Variants in UBR3 observed in about 807,000 individuals in gnomAD.
UBR3 encodes the protein ubiquitin protein ligase E3 component n-recognin 3, also known as E3 ubiquitin-protein ligase UBR3.
In UBR3, 85 loss-of-function variants were observed where a neutral mutation model predicts 243.2. The ratio of observed to expected loss-of-function variants is 0.35; its 90% CI spans 0.29 to 0.42. The LOEUF (loss-of-function observed/expected upper bound fraction) is 0.42, where lower values mean the gene tolerates loss of function less well. Among genes scored for constraint, UBR3 ranks in the 10% least tolerant of loss-of-function variants. The probability of loss-of-function intolerance (pLI) is 1.00; values close to 1 mark genes in which losing one functional copy is unlikely to be tolerated. For missense variants in UBR3, 1,686 were observed against 2,300.8 expected (o/e 0.73, Z 5.47); for synonymous variants, 748 against 799.8 (o/e 0.94, Z 1.09).
At position 169,927,334 on chromosome 2, in the gene UBR3, G is replaced by A; in HGVS notation, c.2353G>A (p.Glu785Lys). The change falls in exon 17 of 39, where the codon GAG becomes AAG. Residue 785 changes from glutamate to lysine, a missense_variant. Physicochemically the swap from Glu to Lys is moderately conservative, Grantham distance 56. This residue lies in a region of UBR3 where 346 missense variants were observed against 585.8 expected (regional missense o/e 0.59). Transcript: ENST00000272793. The stretch of plus-strand genomic sequence containing the variant: ...AATAATTTTAGGAATGTCTGATGAT[G>A]AGATTCTCAGGGCCGAGATGGTAGC... ...LRLHLGMSDD[E>K]ILRAEMVAQL... 1 of 1,550,452 alleles carries A rather than the reference G, an allele frequency of 6.4e-7. No homozygotes were observed. The highest frequency in any genetic ancestry group is 8.7e-7 in the Non-Finnish European group (1 of 1,146,536).
intron 8 of UBR3, 54 bp from the exon 9 acceptor site, chr2:169,905,060 A>G: frequency 7.2e-7 from 1 of 1,382,990 alleles, no homozygotes; most frequent in Non-Finnish European, 9.4e-7. Flanking sequence ...ATTATTGGTT[A>G]AGCTTTTTAA....
intron 24 of UBR3, among the ~76,000 whole-genome samples, chr2:169,972,092 C>T (rs950761610): frequency 2.6e-5 from 4 of 152,014 alleles, no homozygotes; most frequent in East Asian, 1.9e-4. Flanking sequence ...ATATCACCAC[C>T]GATCCCACAG....
In UBR3 at chr2:169,831,127, A is replaced by ATTT. The variant is rs34139528; in HGVS notation, c.545+3101_545+3103dup. On this transcript the variant is annotated intron_variant, in intron 1 of 38. Coordinates refer to ENST00000272793, the MANE Select transcript of UBR3 (RefSeq NM_172070.4). ...GTACATTATATATATATATATATAT[A>ATTT]TTTTTTTTTTTTTTTTTTTTTTTTT... Among the ~76,000 whole-genome samples, 48 of 56,460 alleles carry ATTT rather than the reference A, an allele frequency of 8.5e-4. 7 individuals are homozygous for ATTT. The highest frequency in any genetic ancestry group is 1.9e-3 in the South Asian group (2 of 1,050). 37.0% of individuals were successfully genotyped at this position (56,460 alleles called of 152,430 possible).
At chr2:169,953,156 T>A (rs1007557722) in intron 23 of UBR3, among the ~76,000 whole-genome samples, 1 of 152,198 alleles carries the variant, frequency 6.6e-6, no homozygotes, top group African/African-American at 2.4e-5. Context: ...AATAATATTC[T>A]AAAAATTTTA....
At chr2:169,864,363 T>C (rs964719513) in intron 1 of UBR3, among the ~76,000 whole-genome samples, 2 of 152,210 alleles carry the variant, frequency 1.3e-5, no homozygotes, top group Non-Finnish European at 2.9e-5. Flanking sequence ...AAGGCCTCCA[T>C]ATTCCCAGGA....
Position 169,946,197 on chromosome 2 carries a change from C to T in UBR3, c.2806-91C>T, listed in dbSNP as rs140868377. 1,916 of 673,114 alleles carry T rather than the reference C, an allele frequency of 2.8e-3. 5 individuals are homozygous for T. The highest frequency in any genetic ancestry group is 3.1e-3 in the Non-Finnish European group (1,308 of 424,780). 41.7% of individuals were successfully genotyped at this position (673,114 alleles called of 1,614,324 possible). On this transcript the variant is annotated intron_variant, in intron 20 of 38. Transcript: ENST00000272793. ...TATTTCTAGATATTAAAGTACTTTT[C>T]GTCTAGAACAGTAAAATATTTTTGG...
At chr2:169,888,161 G>A (rs2084184460) in intron 5 of UBR3, among the ~76,000 whole-genome samples, 1 of 117,926 alleles carries the variant, frequency 8.5e-6, no homozygotes. Context: ...TTATTTTTGA[G>A]ATGGAGTCTC....
At chr2:169,964,527 A>G (rs1461837213) in intron 24 of UBR3, 2 of 456,978 alleles carry the variant, frequency 4.4e-6, no homozygotes, top group Admixed American at 5.1e-5. Context: ...GAAAGAATGG[A>G]TGGAGATAGA....
intron 27 of UBR3, among the ~76,000 whole-genome samples, chr2:170,006,075 G>A (rs2105403950): frequency 6.6e-6 from 1 of 152,184 alleles, no homozygotes; most frequent in Middle Eastern, 3.4e-3. Flanking sequence ...TGGAATTAAG[G>A]CTGTCAAGAA....
At chr2:169,967,803 C>A (rs11682796) in intron 24 of UBR3, among the ~76,000 whole-genome samples, 52 of 152,048 alleles carry the variant, frequency 3.4e-4, no homozygotes, top group African/African-American at 1.2e-3. Context: ...AAGCAAATAC[C>A]TATATATTTG....
At chr2:169,902,069 A>G (rs2084845210) in intron 8 of UBR3, among the ~76,000 whole-genome samples, 1 of 152,216 alleles carries the variant, frequency 6.6e-6, no homozygotes, top group African/African-American at 2.4e-5. Context: ...GTGTATGTAC[A>G]TGAGCACATG....
At chr2:170,081,633 T>C (rs925245554) in intron 38 of UBR3, 93 bp from the exon 39 acceptor site, 7 of 915,802 alleles carry the variant, frequency 7.6e-6, no homozygotes, top group Non-Finnish European at 9.5e-6. Context: ...GAGGTTGCAC[T>C]GCGAGAGACT....
intron 1 of UBR3, among the ~76,000 whole-genome samples, chr2:169,854,451 G>A (rs1418798236): frequency 1.3e-5 from 2 of 152,138 alleles, no homozygotes; most frequent in South Asian, 2.1e-4. Flanking sequence ...TTTAACACTG[G>A]TAATTAGAGT....
intron 10 of UBR3, among the ~76,000 whole-genome samples, chr2:169,910,739 A>G (rs1176567864): frequency 1.3e-5 from 2 of 152,166 alleles, no homozygotes; most frequent in East Asian, 1.9e-4. Context: ...TGCATCTCCT[A>G]TAAAGTACAT....
chr2:169,969,250 C>CA (rs925631181), intron 24 of UBR3, among the ~76,000 whole-genome samples: 3 of 152,048 alleles, frequency 2.0e-5, no homozygotes, highest in Admixed American at 6.6e-5. Flanking sequence ...ATGTCGTACA[C>CA]AAAAAAATCT....
chr2:170,034,155 C>T (rs2090763328), intron 31 of UBR3, among the ~76,000 whole-genome samples: 1 of 151,904 alleles, frequency 6.6e-6, no homozygotes, highest in African/African-American at 2.4e-5. Flanking sequence ...ACATTTGTTA[C>T]AGCTGATGAG....
At chr2:169,958,229 C>G (rs2087402418) in intron 23 of UBR3, among the ~76,000 whole-genome samples, 1 of 152,116 alleles carries the variant, frequency 6.6e-6, no homozygotes, top group South Asian at 2.1e-4. Flanking sequence ...TTATTTTTAT[C>G]TATTAAACCA....
chr2:169,829,124 C>G (rs968099067), intron 1 of UBR3, among the ~76,000 whole-genome samples: 2 of 152,180 alleles, frequency 1.3e-5, no homozygotes, highest in African/African-American at 4.8e-5. Flanking sequence ...AGAGTACAAT[C>G]TTTTTATAAA....
chr2:170,073,539 T>C lies in UBR3; in HGVS notation c.5131T>C (p.Phe1711Leu). ...CTGTCTGGATTGGCCAGTTCCAGCA[T>C]TTGATATTATAACTCAGTGGTGTTT... Reference protein sequence around the residue: ...ASCLDWPVPAFDIITQWCFEI... With the variant: ...ASCLDWPVPALDIITQWCFEI... Residue 1711 changes from phenylalanine (F) to leucine (L), a missense_variant, in exon 36 of 39, where the codon TTT becomes CTT. Around this residue, in one of 8 missense-constraint regions of UBR3, gnomAD observed 371 missense variants for 422.5 expected, o/e 0.88. Transcript: ENST00000272793. 1 of 1,613,780 alleles carries C rather than the reference T, an allele frequency of 6.2e-7. No individual in the cohort carries two copies. The highest frequency in any genetic ancestry group is 8.5e-7 in the Non-Finnish European group (1 of 1,179,764).
Sources: allele counts gnomAD v4.1 joint callset (sites outside exome capture counted in the v4.1 genomes callset), GRCh38; gene constraint gnomAD v4.1.1; regional missense constraint gnomAD v4.1.1; transcripts MANE v1.5; gene names NCBI Gene and HGNC (gene_info 2026-07-23, HGNC 2026-07-21).